The following BCL7C variants were observed in gnomAD, a reference collection of about 807,000 sequenced individuals.
The protein encoded by BCL7C is BAF chromatin remodeling complex subunit BCL7C, also known as B-cell CLL/lymphoma 7 protein family member C.
BCL7C carries 8 observed loss-of-function variants against 26.2 expected under a neutral mutation model. The ratio of observed to expected loss-of-function variants is 0.30; its 90% confidence interval spans 0.18 to 0.55. The LOEUF is 0.55. Among genes scored for constraint, BCL7C ranks in the 20% least tolerant of loss-of-function variants. The pLI is 0.93. For synonymous variants in BCL7C, 90 were observed against 116.5 expected, an observed-to-expected ratio of 0.77 and a Z score of 1.47; for missense variants, 262 against 298.5, an observed-to-expected ratio of 0.88 and a Z score of 0.90.
In BCL7C at chr16:30,844,348, CAAAAAAAA is replaced by C. The variant is rs55663737; in HGVS notation, c.529-9208_529-9201del. Among the ~76,000 whole-genome samples, 40 of 73,400 alleles carry C rather than the reference CAAAAAAAA, an allele frequency of 5.4e-4. No homozygotes were observed. The Admixed American group carries it at 6.9e-3, about 13-fold the overall frequency. 48.2% of individuals were successfully genotyped at this position (73,400 alleles called of 152,430 possible). On this transcript the variant is annotated intron_variant, in intron 5 of 5. Coordinates refer to the BCL7C transcript ENST00000380317. ...CTGGTGACAGAGTGAGACTCCGTCT[CAAAAAAAA>C]AAAAAAAAAAAAAAAAAAGGGAAAA...
At chr16:30,879,176 A>C (rs2143074968) in intron 5 of BCL7C, among the ~76,000 whole-genome samples, 1 of 152,268 alleles carries the variant, frequency 6.6e-6, no homozygotes, top group Admixed American at 6.5e-5. Context: ...TGCAGTGCTA[A>C]AACCAAGAAA....
downstream of BCL7C, among the ~76,000 whole-genome samples, chr16:30,884,076 G>A (rs2055086994): frequency 6.7e-6 from 1 of 148,412 alleles, no homozygotes; most frequent in African/African-American, 2.5e-5. Flanking sequence ...AGTGAGCCAA[G>A]ATCACGTCAC....
chr16:30,859,940 TC>T, intron 5 of BCL7C, among the ~76,000 whole-genome samples: 1 of 152,340 alleles, frequency 6.6e-6, no homozygotes, highest in Non-Finnish European at 1.5e-5. Flanking sequence ...GTCCTTGCCC[TC>T]ACTCCGTGAG....
At chr16:30,847,899 A>T (rs941507743) in intron 5 of BCL7C, among the ~76,000 whole-genome samples, 1 of 152,066 alleles carries the variant, frequency 6.6e-6, no homozygotes, top group Non-Finnish European at 1.5e-5. Context: ...CACTAAAATA[A>T]TTGCAGGACA....
chr16:30,863,654 C>T (rs1054939561), intron 5 of BCL7C, among the ~76,000 whole-genome samples: 1 of 152,160 alleles, frequency 6.6e-6, no homozygotes, highest in Non-Finnish European at 1.5e-5. Flanking sequence ...TCATCGGTCA[C>T]GCCCACCTAC....
chr16:30,881,378 A>C (rs2055040259), intron 5 of BCL7C, among the ~76,000 whole-genome samples: 1 of 141,998 alleles, frequency 7.0e-6, no homozygotes, highest in African/African-American at 2.5e-5. Flanking sequence ...CCTGGGTGAC[A>C]GAGTGAGACT....
intron 5 of BCL7C, among the ~76,000 whole-genome samples, chr16:30,871,780 C>T (rs760672951): frequency 6.6e-6 from 1 of 152,102 alleles, no homozygotes; most frequent in African/African-American, 2.4e-5. Flanking sequence ...CCATCGCACC[C>T]GGCCACTATT....
intron 4 of BCL7C, among the ~76,000 whole-genome samples, chr16:30,890,926 G>A (rs1057090313): frequency 6.6e-6 from 1 of 151,574 alleles, no homozygotes; most frequent in Admixed American, 6.6e-5. Context: ...CAGAGGTTGC[G>A]GTGAGCTGAG....
At chr16:30,837,584 G>A (rs2054577739) in intron 5 of BCL7C, among the ~76,000 whole-genome samples, 1 of 152,082 alleles carries the variant, frequency 6.6e-6, no homozygotes, top group Non-Finnish European at 1.5e-5. Context: ...CTGACCTCAG[G>A]TGATCCACTC....
In BCL7C at chr16:30,834,787, C is replaced by A. The variant is rs1189716739; in HGVS notation, c.*161G>T. The A allele has an allele frequency of 4.5e-6, 3 of 660,800 alleles. No individual in the cohort carries two copies. Among genetic ancestry groups the A allele is most frequent in the Non-Finnish European group, 7.4e-6 (3 of 406,764 alleles). The allele number at this position is 660,800 out of a possible 1,614,324, so 40.9% of individuals were successfully genotyped here. A position where few individuals can be genotyped will look rare whatever the true frequency, so the allele number is the denominator to read the frequency against. Reference sequence around the variant, plus strand: ...GCGCCAGTGGCGAGCCAGATGGGTGCTGTGGCCTTAGGTTCGGGCAGGTGT... The same window carrying A: ...GCGCCAGTGGCGAGCCAGATGGGTGATGTGGCCTTAGGTTCGGGCAGGTGT... On this transcript the variant is annotated 3_prime_UTR_variant, in exon 6 of 6. Coordinates refer to the BCL7C transcript ENST00000380317. This position sits in a 1 kb window ranked among gnomAD's most constrained non-coding sequence, Gnocchi z 4.3.
intron 5 of BCL7C, among the ~76,000 whole-genome samples, chr16:30,855,712 C>T (rs1459307162): frequency 6.6e-6 from 1 of 152,046 alleles, no homozygotes; most frequent in African/African-American, 2.4e-5. Flanking sequence ...ATCGCTTGAG[C>T]CCAGAAGTTT....
At position 30,888,892 on chromosome 16, in the gene BCL7C, C is replaced by G. The variant is rs753894773; in HGVS notation, c.496G>C (p.Glu166Gln). ...TCCAGCAGTTCTGGAACAGGCTCCT[C>G]CTTGGTCAGCATTGGGGGTTCGTCG... Reference protein sequence around the residue: ...STDEPPMLTKEEPVPELLEAE... With the variant: ...STDEPPMLTKQEPVPELLEAE... Residue 166 changes from glutamate to glutamine, a missense_variant, in exon 5 of 6, where the codon GAG (glutamate) becomes CAG (glutamine). Coordinates refer to ENST00000215115, the MANE Select transcript of BCL7C (RefSeq NM_004765.4). 6.2e-7 allele frequency: 1 copy of G among 1,614,090 alleles called. No individual in the cohort carries two copies. The highest frequency in any genetic ancestry group is 1.1e-5 in the South Asian group (1 of 91,086).
At chr16:30,860,292 T>G (rs972337165) in intron 5 of BCL7C, among the ~76,000 whole-genome samples, 1 of 152,224 alleles carries the variant, frequency 6.6e-6, no homozygotes, top group Non-Finnish European at 1.5e-5. Context: ...CGGGGATGTC[T>G]GCCTTGGTCA....
chr16:30,862,150 T>C (rs905973628), intron 5 of BCL7C, among the ~76,000 whole-genome samples: 2 of 152,102 alleles, frequency 1.3e-5, no homozygotes, highest in African/African-American at 4.8e-5. Context: ...CAACATTCTT[T>C]TATGCACTCC....
chr16:30,888,886 G>A lies in BCL7C; in HGVS notation c.502C>T (p.Pro168Ser), dbSNP rs1437113169. ...TCAGCTTCCAGCAGTTCTGGAACAG[G>A]CTCCTCCTTGGTCAGCATTGGGGGT... ...DEPPMLTKEE[P>S]VPELLEAEAP... is the part of the protein sequence containing the mutation. Residue 168 changes from proline to serine, a missense_variant, in exon 5 of 6, where the codon CCT (proline) becomes TCT (serine). Physicochemically the swap from Pro to Ser is moderately conservative, Grantham distance 74. Coordinates refer to ENST00000215115, the MANE Select transcript of BCL7C (RefSeq NM_004765.4). 1 of 1,614,064 alleles carries A rather than the reference G, an allele frequency of 6.2e-7. No homozygotes were observed. Among genetic ancestry groups the A allele is most frequent in the Admixed American group, 1.7e-5 (1 of 60,014 alleles).
chr16:30,853,861 A>G (rs1219442223), intron 5 of BCL7C, among the ~76,000 whole-genome samples: 1 of 152,116 alleles, frequency 6.6e-6, no homozygotes, highest in Non-Finnish European at 1.5e-5. Flanking sequence ...CCAGGTTAAA[A>G]TTATTTGCCA....
chr16:30,838,921 C>T (rs11150596), intron 5 of BCL7C, among the ~76,000 whole-genome samples: 70,104 of 152,112 alleles, frequency 0.46, 18,216 homozygotes, highest in South Asian at 0.73. Context: ...TTCCCCAAAT[C>T]GTTAACAGAT....
At chr16:30,883,274 G>A (rs2143106588), downstream of BCL7C, among the ~76,000 whole-genome samples, 1 of 152,266 alleles carries the variant, frequency 6.6e-6, no homozygotes, top group South Asian at 2.1e-4. Context: ...AATTTGGGGA[G>A]GAGGTGGAAA....
chr16:30,851,206 G>T (rs1006458341), intron 5 of BCL7C: 4 of 301,042 alleles, frequency 1.3e-5, no homozygotes, highest in Non-Finnish European at 2.0e-5. Flanking sequence ...AGGTGAATAT[G>T]GTGGATGAGG....
Sources: gnomAD v4.1 joint callset for allele counts (sites outside exome capture counted in the v4.1 genomes callset) on GRCh38, gnomAD v4.1.1 for gene constraint, Gnocchi (gnomAD v3.1) non-coding constraint, MANE v1.5 for transcripts, NCBI Gene and HGNC (gene_info 2026-07-23, HGNC 2026-07-21) for gene names.